The following KPNA1 variants were observed in gnomAD, a reference collection of about 807,000 sequenced individuals.
The protein encoded by KPNA1 is karyopherin subunit alpha 1, also known as importin subunit alpha-5.
In KPNA1, 10 loss-of-function variants were observed where a neutral mutation model predicts 70.5. That is an observed-to-expected ratio of 0.14 (90% CI 0.09 to 0.24). KPNA1 has a LOEUF of 0.24. KPNA1 is among the 10% of genes least tolerant of loss of function. KPNA1 has a pLI of 1.00. For synonymous variants in KPNA1, 192 were observed against 221.9 expected (o/e 0.87, Z 1.20); for missense variants, 397 against 637.9 (o/e 0.62, Z 4.07).
intron 2 of KPNA1, among the ~76,000 whole-genome samples, chr3:122,469,170 G>C (rs2107751419): frequency 6.6e-6 from 1 of 152,190 alleles, no homozygotes; most frequent in Non-Finnish European, 1.5e-5. Flanking sequence ...GCTAAAAAAA[G>C]CCAGTGCCCT....
chr3:122,460,174 C>CTA lies in KPNA1; in HGVS notation c.432+1049_432+1050insTA, dbSNP rs1576308143. On this transcript the variant is annotated intron_variant, in intron 5 of 13. Coordinates refer to ENST00000344337, the MANE Select transcript of KPNA1 (RefSeq NM_002264.4). ...CCTACAGGTGAGAATTTAGGGATCA[C>CTA]ATGTATTTGTAACTAATAAAGGCAC... 7 of 985,266 alleles carry CTA rather than the reference C, an allele frequency of 7.1e-6. No individual in the cohort carries two copies. The East Asian group carries it at 7.9e-4, about 112-fold the overall frequency. The allele number at this position is 985,266 out of a possible 1,614,324, so 61.0% of individuals were successfully genotyped here.
intron 1 of KPNA1, among the ~76,000 whole-genome samples, chr3:122,500,635 T>A (rs1300186711): frequency 6.6e-6 from 1 of 152,118 alleles, no homozygotes; most frequent in African/African-American, 2.4e-5. Flanking sequence ...TATCTGGGAC[T>A]ACAGGTGCAT....
chr3:122,489,071 T>C (rs1168691626), intron 2 of KPNA1, among the ~76,000 whole-genome samples: 1 of 148,682 alleles, frequency 6.7e-6, no homozygotes, highest in Non-Finnish European at 1.5e-5. Context: ...TGTGTGTGTG[T>C]GTGTGTGTGT....
chr3:122,434,898 GC>G (rs1393714354), intron 11 of KPNA1, among the ~76,000 whole-genome samples: 4 of 152,180 alleles, frequency 2.6e-5, no homozygotes. Flanking sequence ...TCATATGAAT[GC>G]TATAGATTGT....
rs1247169945 is a variant in KPNA1, at chr3:122,472,731, G to A, written c.130-5302C>T. Among the ~76,000 whole-genome samples, 3 of 152,098 alleles carry A rather than the reference G, an allele frequency of 2.0e-5. No homozygotes were observed. In the South Asian group the frequency reaches 6.2e-4, roughly 31 times the overall value. ...CAGAGGACACAAACTCCTAATATCA[G>A]AACTCAAAGAAAGAAAATCACTACA... On this transcript the variant is annotated intron_variant, in intron 2 of 13. Coordinates refer to ENST00000344337, the MANE Select transcript of KPNA1 (RefSeq NM_002264.4).
Position 122,426,964 on chromosome 3 carries a change from A to C in KPNA1, c.*21T>G. The C allele has an allele frequency of 6.2e-7, 1 of 1,605,430 alleles. No homozygotes were observed. The highest frequency in any genetic ancestry group is 8.5e-7 in the Non-Finnish European group (1 of 1,172,758). On this transcript the variant is annotated 3_prime_UTR_variant, in exon 14 of 14. Transcript: ENST00000344337. Reference sequence around the variant, plus strand: ...CTGGGTAGCCTGGTCTGACACAGGTACGTGAAAGCAGAGTATTGCTTCAAA... The same window carrying C: ...CTGGGTAGCCTGGTCTGACACAGGTCCGTGAAAGCAGAGTATTGCTTCAAA...
chr3:122,459,220 A>C (rs1334379010), intron 5 of KPNA1, among the ~76,000 whole-genome samples: 3 of 152,212 alleles, frequency 2.0e-5, no homozygotes, highest in Admixed American at 2.0e-4. Context: ...CTTTTTAAGG[A>C]GTACAAGGGA....
At chr3:122,498,849 G>A (rs182884316) in intron 1 of KPNA1, among the ~76,000 whole-genome samples, 40 of 152,148 alleles carry the variant, frequency 2.6e-4, no homozygotes, top group East Asian at 9.6e-4. Flanking sequence ...GGGAAATACC[G>A]GCACCTTAAT....
intron 9 of KPNA1, among the ~76,000 whole-genome samples, chr3:122,447,725 G>C (rs541326712): frequency 2.8e-4 from 42 of 152,290 alleles, no homozygotes; most frequent in Non-Finnish European, 3.4e-4. Context: ...AAAAGAGGAA[G>C]TCAAACTGTC....
Position 122,442,932 on chromosome 3 carries a change from T to C in KPNA1, c.918-816A>G, listed in dbSNP as rs138618893. The C allele has an allele frequency of 4.6e-5, 7 of 152,430 alleles. No individual in the cohort carries two copies. The East Asian group carries it at 1.3e-3, about 29-fold the overall frequency. 9.4% of individuals were successfully genotyped at this position (152,430 alleles called of 1,614,324 possible). On this transcript the variant is annotated intron_variant, in intron 9 of 13. Coordinates refer to ENST00000344337, the MANE Select transcript of KPNA1 (RefSeq NM_002264.4). ...CTGCATCACCAACTGAGGTACCTGA[T>C]TCATCTCACTGGGACTGGTTGGACA...
Position 122,453,938 on chromosome 3 carries a change from T to C in KPNA1, c.496A>G (p.Ile166Val). 1 of 1,613,520 alleles carries C rather than the reference T, an allele frequency of 6.2e-7. No individual in the cohort carries two copies. The highest frequency in any genetic ancestry group is 2.2e-5 in the East Asian group (1 of 44,872). Reference protein sequence around the residue: ...SGNSLQTRIVIQAGAVPIFIE... With the variant: ...SGNSLQTRIVVQAGAVPIFIE... ...AAGATGGGCACAGCTCCTGCCTGAATCACAATTCGGGTCTGAAGAGAATTT... is the reference window on the plus strand; with the variant it reads ...AAGATGGGCACAGCTCCTGCCTGAACCACAATTCGGGTCTGAAGAGAATTT... Residue 166 changes from isoleucine to valine, a missense_variant, in exon 6 of 14, where the codon ATT becomes GTT. By Grantham distance (29) the Ile-to-Val change is conservative (BLOSUM62 3). Coordinates refer to ENST00000344337, the MANE Select transcript of KPNA1 (RefSeq NM_002264.4).
At chr3:122,451,043 G>A (rs1323158220) in intron 8 of KPNA1, among the ~76,000 whole-genome samples, 1 of 152,076 alleles carries the variant, frequency 6.6e-6, no homozygotes, top group Non-Finnish European at 1.5e-5. Context: ...ACTGGGTACA[G>A]CGTACACTGC....
chr3:122,478,284 T>C (rs1042406051), intron 2 of KPNA1, among the ~76,000 whole-genome samples: 2 of 151,960 alleles, frequency 1.3e-5, no homozygotes, highest in African/African-American at 4.8e-5. Flanking sequence ...CTTACATCCT[T>C]CGTTCACAAA....
intron 2 of KPNA1, among the ~76,000 whole-genome samples, chr3:122,468,995 T>A (rs1440179413): frequency 6.6e-6 from 1 of 151,952 alleles, no homozygotes; most frequent in Non-Finnish European, 1.5e-5. Context: ...AATGGAACTA[T>A]CAGGAGGAGA....
chr3:122,460,050 A>G (rs2076305990), intron 5 of KPNA1: 2 of 985,284 alleles, frequency 2.0e-6, no homozygotes, highest in African/African-American at 1.7e-5. Flanking sequence ...TTTTTGGCAA[A>G]TATTTACTTA....
At chr3:122,437,062 G>A (rs1392567401) in intron 11 of KPNA1, 108 bp downstream of exon 11, 9 of 1,107,766 alleles carry the variant, frequency 8.1e-6, no homozygotes, top group Admixed American at 2.2e-5. Context: ...TTACAGGCAG[G>A]AGCCACCGCA....
intron 5 of KPNA1, among the ~76,000 whole-genome samples, chr3:122,455,949 G>A (rs2076260232): frequency 6.6e-6 from 1 of 152,102 alleles, no homozygotes; most frequent in African/African-American, 2.4e-5. Flanking sequence ...GTGTACAAAT[G>A]AGGAAACTAT....
In KPNA1 at chr3:122,496,541, A is replaced by T. The variant is rs1559755041; in HGVS notation, c.25T>A (p.Phe9Ile). 1 of 1,613,940 alleles carries T rather than the reference A, an allele frequency of 6.2e-7. No homozygotes were observed. Among genetic ancestry groups the T allele is most frequent in the Non-Finnish European group, 8.5e-7 (1 of 1,179,890 alleles). The change falls in exon 2 of 14, where the codon TTT (phenylalanine) becomes ATT (isoleucine). Residue 9 changes from phenylalanine to isoleucine, a missense_variant. Coordinates refer to ENST00000344337, the MANE Select transcript of KPNA1 (RefSeq NM_002264.4). ...TTGTTCTTGTAACTTTTCAGGCGAA[A>T]GTTCTCTTTTCCTGGGGTGGTCATG... MTTPGKEN[F>I]RLKSYKNKSL...
chr3:122,487,634 C>T (rs948496485), intron 2 of KPNA1, among the ~76,000 whole-genome samples: 1 of 152,126 alleles, frequency 6.6e-6, no homozygotes, highest in Admixed American at 6.5e-5. Context: ...AGTCATTATG[C>T]TGAGTGAAAT....
Sources: gnomAD v4.1 joint callset for allele counts (sites outside exome capture counted in the v4.1 genomes callset) on GRCh38, gnomAD v4.1.1 for gene constraint, MANE v1.5 for transcripts, NCBI Gene and HGNC (gene_info 2026-07-23, HGNC 2026-07-21) for gene names.